The following H2BC4 variants were observed in gnomAD, a reference collection of about 807,000 sequenced individuals.
The protein encoded by H2BC4 is H2B clustered histone 4, also known as histone H2B type 1-C/E/F/G/I.
In H2BC4, 10 loss-of-function variants were observed where a neutral mutation model predicts 6.2. The ratio of observed to expected loss-of-function variants is 1.61; its 90% CI spans 0.99 to 2.73. H2BC4 has a LOEUF of 2.73. Among genes scored for constraint, H2BC4 ranks in the 30% most tolerant of loss-of-function variants. H2BC4 has a pLI of 0.00. For missense variants in H2BC4, 176 were observed against 168.7 expected (o/e 1.04, Z -0.24); for synonymous variants, 146 against 70.7 (o/e 2.07, Z -5.35).
downstream of H2BC4, among the ~76,000 whole-genome samples, chr6:26,118,565 G>C (rs926789198): frequency 6.6e-6 from 1 of 152,172 alleles, no homozygotes; most frequent in African/African-American, 2.4e-5. Context: ...GGGAGGGCCA[G>C]ATCAAAATTT....
At chr6:26,121,845 G>C (rs558524506), downstream of H2BC4, among the ~76,000 whole-genome samples, 2 of 151,910 alleles carry the variant, frequency 1.3e-5, no homozygotes, top group East Asian at 3.9e-4. Context: ...CTGATGTCCG[G>C]AGTTCGAGAC....
At chr6:26,119,976 C>T (rs1366664414), downstream of H2BC4, among the ~76,000 whole-genome samples, 1 of 151,788 alleles carries the variant, frequency 6.6e-6, no homozygotes, top group Non-Finnish European at 1.5e-5. Context: ...AACTTTTTTT[C>T]TCTTAATTAG....
At chr6:26,119,466 A>C (rs1003939268), downstream of H2BC4, among the ~76,000 whole-genome samples, 3 of 152,248 alleles carry the variant, frequency 2.0e-5, no homozygotes, top group African/African-American at 7.2e-5. Context: ...TCTTAAAGTT[A>C]TCATACACTG....
chr6:26,122,027 T>G (rs1395717763), downstream of H2BC4, among the ~76,000 whole-genome samples: 2 of 134,734 alleles, frequency 1.5e-5, no homozygotes, highest in Non-Finnish European at 3.1e-5. Flanking sequence ...CACTCCAGCC[T>G]GGGAAACAAG....
Position 26,123,656 on chromosome 6 carries a change from A to T in H2BC4, c.249T>A (p.His83Gln). 6.2e-7 allele frequency: 1 copy of T among 1,614,254 alleles called. No individual in the cohort carries two copies. The highest frequency in any genetic ancestry group is 8.5e-7 in the Non-Finnish European group (1 of 1,180,038). ...RIAGEASRLA[H>Q]YNKRSTITSR... ...AGGTGATGGTCGAGCGCTTGTTGTAATGCGCCAGGCGGGAAGCCTCGCCCG... is the reference window on the plus strand; with the variant it reads ...AGGTGATGGTCGAGCGCTTGTTGTATTGCGCCAGGCGGGAAGCCTCGCCCG... The change falls in exon 1 of 1, where the codon CAT (histidine) becomes CAA (glutamine). Residue 83 changes from histidine (H) to glutamine (Q), a missense_variant. His to Gln is a conservative substitution (Grantham distance 24). Transcript: ENST00000396984.
At chr6:26,121,050 C>A (rs144735131), downstream of H2BC4, among the ~76,000 whole-genome samples, 1,166 of 152,146 alleles carry the variant, frequency 7.7e-3, 13 homozygotes, top group South Asian at 0.016. Context: ...TTGCAGATAT[C>A]GACAACTATT....
chr6:26,118,481 T>C (rs1249048128), downstream of H2BC4, among the ~76,000 whole-genome samples: 1 of 152,244 alleles, frequency 6.6e-6, no homozygotes, highest in Non-Finnish European at 1.5e-5. Context: ...GTTACAAACC[T>C]GCAAAAAGTT....
At chr6:26,119,802 T>C (rs181475580), downstream of H2BC4, among the ~76,000 whole-genome samples, 1 of 92,340 alleles carries the variant, frequency 1.1e-5, no homozygotes. Flanking sequence ...ATTAAGCCAA[T>C]TTGTCCAAAA....
chr6:26,123,444 C>G, downstream of H2BC4: 1 of 1,575,970 alleles, frequency 6.3e-7, no homozygotes, highest in Non-Finnish European at 8.6e-7. Flanking sequence ...TGGCGTCTGG[C>G]CACAGCTCTT....
At chr6:26,113,711 T>A (rs1011108422), downstream of H2BC4, among the ~76,000 whole-genome samples, 1 of 152,180 alleles carries the variant, frequency 6.6e-6, no homozygotes, top group Non-Finnish European at 1.5e-5. Context: ...CAAAATTTTA[T>A]CACAGTTCTG....
rs1157063398 is a variant in H2BC4, at chr6:26,123,756, T to G, written c.149A>C (p.His50Pro). Residue 50 changes from histidine (H) to proline (P), a missense_variant, in exon 1 of 1, where the codon CAT becomes CCT. Physicochemically the swap from His to Pro is moderately conservative, Grantham distance 77 (BLOSUM62 -2). Coordinates refer to ENST00000396984, the MANE Select transcript of H2BC4 (RefSeq NM_003526.3). ...VYVYKVLKQVHPDTGISSKAM... is the reference protein window; with the variant it reads ...VYVYKVLKQVPPDTGISSKAM... The stretch of plus-strand genomic sequence containing the variant: ...CTTGGAAGAGATGCCAGTGTCGGGA[T>G]GGACCTGTTTCAGCACCTTGTACAC... The G allele has an allele frequency of 6.2e-7, 1 of 1,614,156 alleles. No individual in the cohort carries two copies. The highest frequency in any genetic ancestry group is 1.7e-5 in the Admixed American group (1 of 60,016).
chr6:26,123,373 A>T, downstream of H2BC4: 2 of 1,345,340 alleles, frequency 1.5e-6, no homozygotes, highest in Non-Finnish European at 2.0e-6. Flanking sequence ...AAGCTGCAAC[A>T]CTTGTCCCCA....
Position 26,123,876 on chromosome 6 carries a change from G to A in H2BC4, c.29C>T (p.Ala10Val), listed in dbSNP as rs986729677. Residue 10 changes from alanine to valine, a missense_variant, in exon 1 of 1, where the codon GCC becomes GTC. Ala to Val is a moderately conservative substitution (Grantham distance 64, BLOSUM62 0). Transcript: ENST00000396984. Reference sequence around the variant, plus strand: ...TGCCTTCTTGGAGCCCTTCTTCGGGGCGGGAGCAGACTTGGCTGGCTCAGG... The same window carrying A: ...TGCCTTCTTGGAGCCCTTCTTCGGGACGGGAGCAGACTTGGCTGGCTCAGG... MPEPAKSAP[A>V]PKKGSKKAVT... The A allele has an allele frequency of 8.7e-6, 14 of 1,614,184 alleles. No individual in the cohort carries two copies. The highest frequency in any genetic ancestry group is 1.7e-5 in the Admixed American group (1 of 60,018).
downstream of H2BC4, chr6:26,123,393 A>G: frequency 6.9e-7 from 1 of 1,444,058 alleles, no homozygotes; most frequent in Non-Finnish European, 9.3e-7. Flanking sequence ...ACCCCTCTCC[A>G]GTTCCTATAT....
Position 26,123,574 on chromosome 6 carries a change from C to A in H2BC4, c.331G>T (p.Ala111Ser). Residue 111 changes from alanine (A) to serine (S), a missense_variant, in exon 1 of 1, where the codon GCC (alanine) becomes TCC (serine). Coordinates refer to ENST00000396984, the MANE Select transcript of H2BC4 (RefSeq NM_003526.3). ...ACGGCCTTGGTGCCCTCCGACACGGCGTGCTTGGCCAGCTCTCCGGGAAGC... is the reference window on the plus strand; with the variant it reads ...ACGGCCTTGGTGCCCTCCGACACGGAGTGCTTGGCCAGCTCTCCGGGAAGC... ...LLLPGELAKH[A>S]VSEGTKAVTK... The A allele has an allele frequency of 6.2e-7, 1 of 1,614,258 alleles. No homozygotes were observed. Among genetic ancestry groups the A allele is most frequent in the East Asian group, 2.2e-5 (1 of 44,892 alleles).
At chr6:26,120,027 T>C (rs1282985504), downstream of H2BC4, among the ~76,000 whole-genome samples, 1 of 152,132 alleles carries the variant, frequency 6.6e-6, no homozygotes, top group Non-Finnish European at 1.5e-5. Flanking sequence ...AGGAAAATTT[T>C]TGATTTTTTT....
chr6:26,123,638 G>A lies in H2BC4; in HGVS notation c.267C>T (p.Thr89=). ...SRLAHYNKRS[T]ITSREIQTAV... is the part of the protein sequence containing the mutation. ...CCGTCTGGATCTCCCTGGAGGTGAT[G>A]GTCGAGCGCTTGTTGTAATGCGCCA... Residue 89 remains threonine (T), a synonymous_variant, in exon 1 of 1, where the codon ACC becomes ACT. Transcript: ENST00000396984. The A allele has an allele frequency of 8.1e-6, 13 of 1,614,276 alleles. 1 individual carries two copies. The highest frequency in any genetic ancestry group is 3.3e-5 in the South Asian group (3 of 91,090).
At chr6:26,114,496 A>G (rs1763395505), downstream of H2BC4, among the ~76,000 whole-genome samples, 1 of 152,142 alleles carries the variant, frequency 6.6e-6, no homozygotes, top group African/African-American at 2.4e-5. Context: ...GGGATTATAA[A>G]TTGGTATGAT....
At chr6:26,119,472 C>T (rs1763470514), downstream of H2BC4, among the ~76,000 whole-genome samples, 1 of 152,160 alleles carries the variant, frequency 6.6e-6, no homozygotes, top group Non-Finnish European at 1.5e-5. Context: ...AGTTATCATA[C>T]ACTGTGAACT....
Sources: gnomAD v4.1 joint callset for allele counts (sites outside exome capture counted in the v4.1 genomes callset) on GRCh38, gnomAD v4.1.1 for gene constraint, MANE v1.5 for transcripts, NCBI Gene and HGNC (gene_info 2026-07-23, HGNC 2026-07-21) for gene names.